The following AHCYL1 variants were observed in gnomAD, a reference collection of about 807,000 sequenced individuals.
The protein encoded by AHCYL1 is S-adenosylhomocysteine hydrolase-like protein 1.
A neutral mutation model predicts 79.3 loss-of-function variants in AHCYL1; 20 were observed. The observed-to-expected ratio is 0.25, with a 90% CI of 0.18 to 0.37. AHCYL1 has a LOEUF of 0.37. Ranked by LOEUF, AHCYL1 falls within the 10% of genes least tolerant of loss-of-function variation. The pLI, the probability that AHCYL1 is intolerant of heterozygous loss-of-function variation, is 1.00. For synonymous variants in AHCYL1, 223 were observed against 242.2 expected (o/e 0.92, Z 0.74); for missense variants, 330 against 673.6 (o/e 0.49, Z 5.65).
intron 2 of AHCYL1, 136 bp from the exon 3 acceptor site, chr1:110,011,077 AC>A: frequency 9.2e-7 from 1 of 1,087,144 alleles, no homozygotes; most frequent in Non-Finnish European, 1.3e-6. Flanking sequence ...GAGGAGCAGA[AC>A]TGAGAGCGTT....
chr1:110,008,907 A>T, intron 1 of AHCYL1, 127 bp from the exon 2 acceptor site: 1 of 629,880 alleles, frequency 1.6e-6, no homozygotes. Context: ...CTGGTGGGAA[A>T]GTTGCTGGCT....
chr1:110,012,034 A>G (rs970288954), intron 3 of AHCYL1, among the ~76,000 whole-genome samples: 1 of 152,232 alleles, frequency 6.6e-6, no homozygotes. Context: ...ATAGGAATCT[A>G]TTAGCCAATG....
intron 1 of AHCYL1, among the ~76,000 whole-genome samples, chr1:110,001,510 C>G (rs1650313166): frequency 6.6e-6 from 1 of 152,082 alleles, no homozygotes; most frequent in Non-Finnish European, 1.5e-5. Context: ...TTTCCCTGAG[C>G]CTATACTAGT....
At chr1:110,003,886 C>G (rs1187565881) in intron 1 of AHCYL1, 7 of 982,512 alleles carry the variant, frequency 7.1e-6, no homozygotes, top group South Asian at 4.7e-5. Flanking sequence ...TTGCAGGCCT[C>G]GATTACTCAT....
rs1651877912 is a variant in AHCYL1, at chr1:110,022,684, T to C, written c.*1004T>C. 1 of 152,634 alleles carries C rather than the reference T, an allele frequency of 6.6e-6. No homozygotes were observed. Among genetic ancestry groups the C allele is most frequent in the African/African-American group, 2.4e-5 (1 of 41,444 alleles). The allele number at this position is 152,634 out of a possible 1,614,324, so 9.5% of individuals were successfully genotyped here. The stretch of plus-strand genomic sequence containing the variant: ...GAGTTCTATCTTTAGGATTTATCTT[T>C]AAGAGCAAATTTCTGGTCAGCTGTG... On this transcript the variant is annotated 3_prime_UTR_variant, in exon 17 of 17. Transcript: ENST00000369799.
intron 1 of AHCYL1, among the ~76,000 whole-genome samples, chr1:110,006,577 C>A (rs1383465308): frequency 1.3e-5 from 2 of 152,102 alleles, no homozygotes; most frequent in African/African-American, 4.8e-5. Flanking sequence ...TTGCTTTTGG[C>A]AGCAGTGTTT....
At chr1:110,004,221 T>G in intron 1 of AHCYL1, 2 of 985,602 alleles carry the variant, frequency 2.0e-6, no homozygotes, top group South Asian at 4.7e-5. Context: ...GGGGAAGATA[T>G]GTGCTGAGAT....
chr1:110,008,204 T>A (rs749493193), intron 1 of AHCYL1, among the ~76,000 whole-genome samples: 23 of 152,036 alleles, frequency 1.5e-4, no homozygotes, highest in Non-Finnish European at 3.2e-4. Context: ...GTATTTTTAG[T>A]AGAGACGGGG....
intron 1 of AHCYL1, chr1:110,003,854 T>A: frequency 1.1e-6 from 1 of 911,238 alleles, no homozygotes; most frequent in Non-Finnish European, 1.3e-6. Flanking sequence ...TCTAACTTCT[T>A]ATGTTTACTT....
chr1:110,013,376 A>G (rs1008854739), intron 5 of AHCYL1, among the ~76,000 whole-genome samples: 1 of 152,208 alleles, frequency 6.6e-6, no homozygotes, highest in African/African-American at 2.4e-5. Flanking sequence ...CATTGAAAAT[A>G]TATGAGCTAT....
chr1:110,017,452 G>T (rs1307411036), intron 9 of AHCYL1, 43 bp from the exon 10 acceptor site: 8 of 1,584,266 alleles, frequency 5.0e-6, no homozygotes, highest in South Asian at 1.1e-5. Context: ...AAATATCCAT[G>T]ACTTAATGAA....
At chr1:109,996,579 T>A (rs757157193) in intron 1 of AHCYL1, among the ~76,000 whole-genome samples, 17 of 152,202 alleles carry the variant, frequency 1.1e-4, no homozygotes, top group Non-Finnish European at 2.2e-4. Context: ...ATGCACACAG[T>A]CATGTGTCAC....
At chr1:110,007,616 T>TC (rs549474786) in intron 1 of AHCYL1, among the ~76,000 whole-genome samples, 1 of 152,256 alleles carries the variant, frequency 6.6e-6, no homozygotes, top group Non-Finnish European at 1.5e-5. Flanking sequence ...AGTTTACTGT[T>TC]CCTGGCTTTA....
chr1:110,016,285 A>C (rs1651417355), intron 7 of AHCYL1, 59 bp from the exon 8 acceptor site: 7 of 1,319,482 alleles, frequency 5.3e-6, no homozygotes, highest in Non-Finnish European at 7.5e-6. Flanking sequence ...TTTGCCACAA[A>C]TTATGTTGTG....
In AHCYL1 at chr1:110,009,123, C is replaced by T. The variant is rs201996662; in HGVS notation, c.210C>T (p.Ser70=). ...RRSLSRSISQ[S]STDSYSSAAS... is the part of the protein sequence containing the mutation. ...CTTTGTCTCGCTCGATCTCACAGTCCTCCACTGACAGCTACAGTTCAGGTA... is the reference window on the plus strand; with the variant it reads ...CTTTGTCTCGCTCGATCTCACAGTCTTCCACTGACAGCTACAGTTCAGGTA... The change falls in exon 2 of 17, where the codon TCC becomes TCT. Residue 70 remains serine, a synonymous_variant. Transcript: ENST00000369799. 4.4e-5 allele frequency: 71 copies of T among 1,613,742 alleles called. No individual in the cohort carries two copies. The African/African-American group carries it at 7.2e-4, about 16-fold the overall frequency.
rs946952503 is a variant in AHCYL1, at chr1:110,023,480, A to C, written c.*1800A>C. The stretch of plus-strand genomic sequence containing the variant: ...GCCCTGCTGGAGGGAAGGGACCCAC[A>C]TTCACCTGCCCTCTGACCTGCCCCT... On this transcript the variant is annotated 3_prime_UTR_variant, in exon 17 of 17. Coordinates refer to ENST00000369799, the MANE Select transcript of AHCYL1 (RefSeq NM_006621.7). 6.6e-6 allele frequency: 1 copy of C among 152,364 alleles called. No homozygotes were observed. The highest frequency in any genetic ancestry group is 2.4e-5 in the African/African-American group (1 of 41,310). 9.4% of individuals were successfully genotyped at this position (152,364 alleles called of 1,614,324 possible).
At position 110,022,265 on chromosome 1, in the gene AHCYL1, T is replaced by C. The variant is rs1651850858; in HGVS notation, c.*585T>C. 1 of 152,294 alleles carries C rather than the reference T, an allele frequency of 6.6e-6. No homozygotes were observed. The highest frequency in any genetic ancestry group is 1.5e-5 in the Non-Finnish European group (1 of 68,160). 9.4% of individuals were successfully genotyped at this position (152,294 alleles called of 1,614,324 possible). On this transcript the variant is annotated 3_prime_UTR_variant, in exon 17 of 17. Transcript: ENST00000369799. ...AGATCAGGAGGCCCACTTGGATTTA[T>C]AGTATAGCCCTTCCTCCACTCCCAC...
intron 1 of AHCYL1, among the ~76,000 whole-genome samples, chr1:109,987,718 C>G (rs1479367785): frequency 6.6e-6 from 1 of 152,134 alleles, no homozygotes; most frequent in Admixed American, 6.6e-5. Flanking sequence ...TCATGACTTA[C>G]TCAGTTTTGT....
At chr1:110,005,039 A>C (rs1353184497) in intron 1 of AHCYL1, among the ~76,000 whole-genome samples, 1 of 152,222 alleles carries the variant, frequency 6.6e-6, no homozygotes, top group Non-Finnish European at 1.5e-5. Context: ...ATTTCTAAAC[A>C]GAAAAATCTC....
Sources: allele counts gnomAD v4.1 joint callset (sites outside exome capture counted in the v4.1 genomes callset), GRCh38; gene constraint gnomAD v4.1.1; transcripts MANE v1.5; gene names NCBI Gene and HGNC (gene_info 2026-07-23, HGNC 2026-07-21).